The following GRAMD2B variants were observed in gnomAD, a reference collection of about 807,000 sequenced individuals.
The protein encoded by GRAMD2B is GRAM domain containing 2B, also known as GRAM domain-containing protein 2B.
In GRAMD2B, 41 loss-of-function variants were observed where a neutral mutation model predicts 59.2. The observed-to-expected ratio is 0.69, with a 90% CI of 0.54 to 0.90. GRAMD2B has a LOEUF of 0.90. Among genes scored for constraint, GRAMD2B ranks in the 40% least tolerant of loss-of-function variants. GRAMD2B has a pLI of 0.00. For synonymous variants in GRAMD2B, 161 were observed against 182.7 expected, an observed-to-expected ratio of 0.88 and a Z score of 0.96; for missense variants, 424 against 500.5, an observed-to-expected ratio of 0.85 and a Z score of 1.46.
At chr5:126,386,431 T>C (rs1254470465) in intron 1 of GRAMD2B, among the ~76,000 whole-genome samples, 1 of 152,228 alleles carries the variant, frequency 6.6e-6, no homozygotes, top group Non-Finnish European at 1.5e-5. Flanking sequence ...AATCCTAGCC[T>C]CTTAAACAAT....
At chr5:126,369,070 AACTCTCC>A (rs946510869), upstream of GRAMD2B, among the ~76,000 whole-genome samples, 2 of 151,962 alleles carry the variant, frequency 1.3e-5, no homozygotes, top group Non-Finnish European at 2.9e-5. Flanking sequence ...TTCACCAACA[AACTCTCC>A]ACTCTCCACT....
chr5:126,423,462 C>T lies in GRAMD2B; in HGVS notation c.-145C>T. ...CCGCGGCCCCGGGAGCTTGGCGCGG[C>T]CCGGCCTGGATGCGCTGGGCGGAGG... is the stretch of plus-strand genomic sequence containing the variant. On this transcript the variant is annotated 5_prime_UTR_variant, in exon 1 of 14. Coordinates refer to ENST00000285689, the MANE Select transcript of GRAMD2B (RefSeq NM_023927.4). The T allele has an allele frequency of 4.2e-6, 6 of 1,432,886 alleles. No individual in the cohort carries two copies. The highest frequency in any genetic ancestry group is 5.5e-6 in the Non-Finnish European group (6 of 1,099,132). 88.8% of individuals were successfully genotyped at this position (1,432,886 alleles called of 1,614,324 possible).
chr5:126,387,780 T>C (rs1056124320), intron 1 of GRAMD2B, among the ~76,000 whole-genome samples: 3 of 152,094 alleles, frequency 2.0e-5, no homozygotes, highest in Non-Finnish European at 4.4e-5. Flanking sequence ...AGACTATATA[T>C]ACACATAAAT....
Position 126,486,922 on chromosome 5 carries a change from A to G in GRAMD2B, c.1108A>G (p.Thr370Ala), listed in dbSNP as rs1773061402. The part of the protein sequence containing the change: ...STFYMRYRIN[T>A]LEEQLGLLTS... ...CTTCTACATGAGATACAGAATTAAT[A>G]CTCTGGAGGAGCAGCTGGGGTTACT... is the stretch of plus-strand genomic sequence containing the variant. The change falls in exon 12 of 14, where the codon ACT becomes GCT. Residue 370 changes from threonine to alanine, a missense_variant. By Grantham distance (58) the Thr-to-Ala change is moderately conservative (BLOSUM62 0). Coordinates refer to ENST00000285689, the MANE Select transcript of GRAMD2B (RefSeq NM_023927.4). 3 of 1,612,354 alleles carry G rather than the reference A, an allele frequency of 1.9e-6. No individual in the cohort carries two copies. Among genetic ancestry groups the G allele is most frequent in the Non-Finnish European group, 2.5e-6 (3 of 1,178,914 alleles).
intron 1 of GRAMD2B, among the ~76,000 whole-genome samples, chr5:126,446,253 G>A (rs907549142): frequency 2.0e-5 from 3 of 152,184 alleles, no homozygotes; most frequent in East Asian, 1.9e-4. Context: ...AAAAGATAGT[G>A]TGGTCTGGGA....
chr5:126,362,857 C>A (rs964188966), intron 1 of GRAMD2B, among the ~76,000 whole-genome samples: 2 of 152,024 alleles, frequency 1.3e-5, no homozygotes, highest in African/African-American at 4.8e-5. Context: ...TATATAAGAG[C>A]TAAAACTATA....
upstream of GRAMD2B, among the ~76,000 whole-genome samples, chr5:126,421,584 C>CTAAGT (rs1390382127): frequency 6.6e-6 from 1 of 152,180 alleles, no homozygotes; most frequent in East Asian, 1.9e-4. Flanking sequence ...AGAGAGAGGC[C>CTAAGT]TGACTAAGCC....
At chr5:126,424,645 GAA>G (rs1760271399) in intron 1 of GRAMD2B, among the ~76,000 whole-genome samples, 1 of 152,220 alleles carries the variant, frequency 6.6e-6, no homozygotes, top group Non-Finnish European at 1.5e-5. Flanking sequence ...AAGAGGATTA[GAA>G]TGACTTGCTC....
Position 126,483,486 on chromosome 5 carries a change from T to C in GRAMD2B, c.759T>C (p.Asp253=). The change falls in exon 9 of 14, where the codon GAT becomes GAC. Residue 253 remains aspartate (D), a synonymous_variant. Transcript: ENST00000285689. ...AGGATTTCAATGATGAATTCTCAGA[T>C]CTGGATGGAGTGGTTCAACAAAGAA... ...LPLDFNDEFS[D]LDGVVQQRRQ... 1 of 1,610,228 alleles carries C rather than the reference T, an allele frequency of 6.2e-7. No individual in the cohort carries two copies. Among genetic ancestry groups the C allele is most frequent in the South Asian group, 1.1e-5 (1 of 90,938 alleles).
chr5:126,397,101 T>C (rs1036321250), intron 1 of GRAMD2B, among the ~76,000 whole-genome samples: 2 of 152,226 alleles, frequency 1.3e-5, no homozygotes, highest in African/African-American at 4.8e-5. Flanking sequence ...ATGCATAGTT[T>C]GCAAAATTTT....
upstream of GRAMD2B, among the ~76,000 whole-genome samples, chr5:126,368,468 C>G (rs1234366294): frequency 6.6e-6 from 1 of 152,234 alleles, no homozygotes; most frequent in Non-Finnish European, 1.5e-5. Context: ...TAACTACTTG[C>G]ACATTTTGTC....
rs1339147413 is a variant in GRAMD2B, at chr5:126,423,580, T to C, written c.-27T>C. ...GGGCAGAGCCAGGCGCGCGGAAGTC[T>C]GAAGGTGCCCTCCAGACACGGCCCC... On this transcript the variant is annotated 5_prime_UTR_variant, in exon 1 of 14. The change abolishes the stop of an existing upstream ORF in the 5' untranslated region. Transcript: ENST00000285689. The C allele has an allele frequency of 3.1e-6, 5 of 1,606,178 alleles. No homozygotes were observed. The highest frequency in any genetic ancestry group is 2.2e-5 in the East Asian group (1 of 44,570).
At chr5:126,481,264 A>G (rs1370910407) in intron 8 of GRAMD2B, among the ~76,000 whole-genome samples, 1 of 150,324 alleles carries the variant, frequency 6.7e-6, no homozygotes, top group East Asian at 1.9e-4. Context: ...AAAAAAAAGA[A>G]AGCTATAATG....
At chr5:126,419,481 G>A (rs750927200), upstream of GRAMD2B, among the ~76,000 whole-genome samples, 12 of 151,980 alleles carry the variant, frequency 7.9e-5, no homozygotes, top group Admixed American at 3.3e-4. Context: ...TCCAACACTC[G>A]GGATCCCAAT....
chr5:126,448,828 G>A (rs186240625), intron 1 of GRAMD2B, among the ~76,000 whole-genome samples: 8 of 152,318 alleles, frequency 5.3e-5, no homozygotes, highest in Admixed American at 2.6e-4. Flanking sequence ...GGCCCTCAGC[G>A]AACTCATCTT....
At chr5:126,450,646 T>C (rs1349162691) in intron 1 of GRAMD2B, among the ~76,000 whole-genome samples, 1 of 105,350 alleles carries the variant, frequency 9.5e-6, no homozygotes, top group African/African-American at 3.5e-5. Context: ...CCATCCAGCC[T>C]GCTGTTAAAA....
At chr5:126,397,613 C>T (rs2149733495) in intron 1 of GRAMD2B, among the ~76,000 whole-genome samples, 1 of 152,286 alleles carries the variant, frequency 6.6e-6, no homozygotes, top group South Asian at 2.1e-4. Flanking sequence ...AATGCTTTTT[C>T]TGTGCCTATT....
intron 1 of GRAMD2B, among the ~76,000 whole-genome samples, chr5:126,372,323 A>G (rs374105981): frequency 6.6e-6 from 1 of 152,208 alleles, no homozygotes; most frequent in Non-Finnish European, 1.5e-5. Context: ...CGTAGCATTC[A>G]TGTAAACTTC....
At chr5:126,483,265 AT>A (rs1772228336) in intron 8 of GRAMD2B, among the ~76,000 whole-genome samples, 197 bp from the exon 9 acceptor site, 1 of 152,170 alleles carries the variant, frequency 6.6e-6, no homozygotes, top group Admixed American at 6.5e-5. Context: ...TGTTGACAGA[AT>A]TTTAACTGCC....
Sources: allele counts gnomAD v4.1 joint callset (sites outside exome capture counted in the v4.1 genomes callset), GRCh38; gene constraint gnomAD v4.1.1; transcripts MANE v1.5; gene names NCBI Gene and HGNC (gene_info 2026-07-23, HGNC 2026-07-21).